The following EYS variants were observed in gnomAD, a reference collection of about 807,000 sequenced individuals.
EYS encodes EGF-like photoreceptor maintenance factor, also known as protein eyes shut homolog.
In EYS, 250 loss-of-function variants were observed where a neutral mutation model predicts 282.1. That is an observed-to-expected ratio of 0.89 (90% CI 0.80 to 0.98). The LOEUF is 0.98. EYS is among the 50% of genes least tolerant of loss of function. The probability of loss-of-function intolerance (pLI) is 0.00; values close to 1 mark genes in which losing one functional copy is unlikely to be tolerated. For missense variants in EYS, 4,016 were observed against 3,709.0 expected (o/e 1.08, Z -2.15); for synonymous variants, 1,355 against 1,282.9 (o/e 1.06, Z -1.20).
intron 31 of EYS, among the ~76,000 whole-genome samples, chr6:64,095,684 C>T (rs558501138): frequency 7.9e-5 from 12 of 152,142 alleles, no homozygotes; most frequent in African/African-American, 2.7e-4. Context: ...ATACAGCACA[C>T]TGATGGGTCT....
At chr6:65,273,851 G>T (rs181311045) in intron 12 of EYS, among the ~76,000 whole-genome samples, 1 of 152,120 alleles carries the variant, frequency 6.6e-6, no homozygotes, top group African/African-American at 2.4e-5. Flanking sequence ...GAGCCAGTGC[G>T]TACCTAAAAT....
intron 28 of EYS, among the ~76,000 whole-genome samples, chr6:64,422,227 G>A (rs1009615846): frequency 1.3e-5 from 2 of 151,940 alleles, no homozygotes; most frequent in Non-Finnish European, 2.9e-5. Flanking sequence ...CCCATTGAAG[G>A]GAAGACTTCA....
At chr6:64,959,467 A>G (rs953598178) in intron 14 of EYS, among the ~76,000 whole-genome samples, 2 of 152,146 alleles carry the variant, frequency 1.3e-5, no homozygotes, top group African/African-American at 4.8e-5. Flanking sequence ...CAGATACCAT[A>G]AATATTTTCT....
intron 14 of EYS, among the ~76,000 whole-genome samples, chr6:64,966,732 C>T (rs984631357): frequency 1.3e-5 from 2 of 152,180 alleles, no homozygotes; most frequent in Admixed American, 1.3e-4. Context: ...TCTCTTTCTG[C>T]TTCCCTCTGA....
chr6:64,734,133 A>C (rs913150618), intron 22 of EYS, among the ~76,000 whole-genome samples: 1 of 151,874 alleles, frequency 6.6e-6, no homozygotes, highest in Non-Finnish European at 1.5e-5. Context: ...GGAAAAAAAA[A>C]AACAAGTAGA....
intron 22 of EYS, among the ~76,000 whole-genome samples, chr6:64,641,966 T>TC (rs1219758679): frequency 2.0e-5 from 3 of 152,140 alleles, no homozygotes; most frequent in African/African-American, 7.2e-5. Flanking sequence ...AAAAAACCAG[T>TC]CCCTGGTGCC....
At chr6:64,042,083 A>C (rs557006018) in intron 33 of EYS, among the ~76,000 whole-genome samples, 6 of 152,226 alleles carry the variant, frequency 3.9e-5, no homozygotes, top group Non-Finnish European at 7.3e-5. Flanking sequence ...TCACTAACAC[A>C]CAAGATAACA....
chr6:64,952,354 T>C (rs1309067568), intron 14 of EYS, among the ~76,000 whole-genome samples: 1 of 152,030 alleles, frequency 6.6e-6, no homozygotes, highest in Non-Finnish European at 1.5e-5. Context: ...TTATATAATT[T>C]TAAGCATGTT....
At chr6:64,657,338 C>G (rs1453915850) in intron 22 of EYS, among the ~76,000 whole-genome samples, 1 of 152,176 alleles carries the variant, frequency 6.6e-6, no homozygotes, top group Non-Finnish European at 1.5e-5. Context: ...TTAATTGGAG[C>G]ATTTAGCCCA....
chr6:64,822,757 T>C lies in EYS; in HGVS notation c.3058A>G (p.Ile1020Val). 6.5e-7 allele frequency: 1 copy of C among 1,550,204 alleles called. No homozygotes were observed. The highest frequency in any genetic ancestry group is 1.4e-5 in the African/African-American group (1 of 73,052). The change falls in exon 20 of 43, where the codon ATC (isoleucine) becomes GTC (valine). Residue 1020 changes from isoleucine (I) to valine (V), a missense_variant. By Grantham distance (29) the Ile-to-Val change is conservative. Transcript: ENST00000503581. ...CAGGTATAATGATTGATGCCATCGA[T>C]ACAAACTCCATCATGGAGACAGGGC... ...SEPCLHDGVC[I>V]DGINHYTCDC...
chr6:65,164,721 G>A (rs1427119216), intron 12 of EYS, among the ~76,000 whole-genome samples: 1 of 151,286 alleles, frequency 6.6e-6, no homozygotes, highest in Admixed American at 6.6e-5. Flanking sequence ...AGAGACCAAG[G>A]TGCCAGCGAT....
chr6:64,780,396 A>T (rs577245072), intron 22 of EYS, among the ~76,000 whole-genome samples: 32 of 152,328 alleles, frequency 2.1e-4, no homozygotes, highest in African/African-American at 6.5e-4. Context: ...CCATTAATCT[A>T]AACGAAATAA....
rs2149664339 is a variant in EYS at position 63,778,112 on chromosome 6, C to T, written c.7792G>A (p.Gly2598Ser). ...GHFRGLGNPE[G>S]HPNAGRSVGQ... Reference sequence around the variant, plus strand: ...ACACTGCGTCCAGCATTTGGGTGGCCCTCAGGATTTCCCAGTCCTCTGAAA... The same window carrying T: ...ACACTGCGTCCAGCATTTGGGTGGCTCTCAGGATTTCCCAGTCCTCTGAAA... The change falls in exon 40 of 43, where the codon GGC (glycine) becomes AGC (serine). Residue 2598 changes from glycine to serine, a missense_variant. Physicochemically the swap from Gly to Ser is moderately conservative, Grantham distance 56 (BLOSUM62 0). Coordinates refer to ENST00000503581, the MANE Select transcript of EYS (RefSeq NM_001142800.2). 1 of 1,551,752 alleles carries T rather than the reference C, an allele frequency of 6.4e-7. No individual in the cohort carries two copies. Among genetic ancestry groups the T allele is most frequent in the Non-Finnish European group, 8.7e-7 (1 of 1,146,958 alleles).
At chr6:65,519,248 A>C (rs2127297027) in intron 2 of EYS, among the ~76,000 whole-genome samples, 1 of 151,876 alleles carries the variant, frequency 6.6e-6, no homozygotes, top group South Asian at 2.1e-4. Flanking sequence ...TTTTGCATCT[A>C]TTTGTACATT....
At chr6:65,497,667 A>AAAAT (rs1242054736) in intron 2 of EYS, among the ~76,000 whole-genome samples, 1 of 152,060 alleles carries the variant, frequency 6.6e-6, no homozygotes, top group Non-Finnish European at 1.5e-5. Context: ...GATGATTAAC[A>AAAAT]AAATAAATAA....
intron 29 of EYS, among the ~76,000 whole-genome samples, chr6:64,375,388 A>C (rs1772529799): frequency 6.6e-6 from 1 of 152,212 alleles, no homozygotes; most frequent in Non-Finnish European, 1.5e-5. Context: ...TTAACTCTTC[A>C]TTGAAAACAT....
chr6:64,337,541 A>G (rs1396839020), intron 29 of EYS, among the ~76,000 whole-genome samples: 3 of 152,034 alleles, frequency 2.0e-5, no homozygotes, highest in Non-Finnish European at 2.9e-5. Context: ...GCAGAATCCT[A>G]CCAGATATTC....
rs1370270369 is a variant in EYS, at chr6:63,958,197, G to A, written c.7055+26186C>T. ...TTTATTGAGAGTGTTCCAGACCTAT[G>A]TTAGGTGTTGGAAATAAATTATGAA... On this transcript the variant is annotated intron_variant, in intron 35 of 42. Coordinates refer to ENST00000503581, the MANE Select transcript of EYS (RefSeq NM_001142800.2). 1.4e-5 allele frequency among the ~76,000 whole-genome samples: 2 copies of A among 140,566 alleles called. 1 individual carries two copies. The highest frequency in any genetic ancestry group is 4.1e-4 in the East Asian group (2 of 4,914). The allele number at this position is 140,566 out of a possible 152,430, so 92.2% of individuals were successfully genotyped here.
At chr6:64,806,789 C>T (rs540565581) in intron 22 of EYS, among the ~76,000 whole-genome samples, 2 of 151,370 alleles carry the variant, frequency 1.3e-5, no homozygotes, top group Admixed American at 6.6e-5. Flanking sequence ...GATGAGGACT[C>T]GGTAAGGCAA....
Sources: allele counts gnomAD v4.1 joint callset (sites outside exome capture counted in the v4.1 genomes callset), GRCh38; gene constraint gnomAD v4.1.1; transcripts MANE v1.5; gene names NCBI Gene and HGNC (gene_info 2026-07-23, HGNC 2026-07-21).